Variants in NF2 observed in about 807,000 individuals in gnomAD.
NF2 encodes merlin.
In NF2, 8 loss-of-function variants were observed where a neutral mutation model predicts 83.7. The ratio of observed to expected loss-of-function variants is 0.10; its 90% CI spans 0.06 to 0.17. NF2 has a LOEUF of 0.17. Among genes scored for constraint, NF2 ranks in the 10% least tolerant of loss-of-function variants. The probability of loss-of-function intolerance (pLI) is 1.00; values close to 1 mark genes in which losing one functional copy is unlikely to be tolerated. For missense variants in NF2, 533 were observed against 744.4 expected (o/e 0.72, Z 3.31); for synonymous variants, 266 against 269.6 (o/e 0.99, Z 0.13).
chr22:29,623,309 A>C (rs982657062), intron 1 of NF2, among the ~76,000 whole-genome samples: 24 of 152,264 alleles, frequency 1.6e-4, no homozygotes, highest in Admixed American at 1.1e-3. Flanking sequence ...CAGGTTAAAG[A>C]GGCTTGTATT....
At chr22:29,693,451 C>T (rs1230074588) in intron 15 of NF2, among the ~76,000 whole-genome samples, 1 of 152,238 alleles carries the variant, frequency 6.6e-6, no homozygotes, top group Non-Finnish European at 1.5e-5. Flanking sequence ...CTAATGCTGT[C>T]TGTCTTCTGA....
In NF2 at chr22:29,636,685, G is replaced by A. The variant is rs1287212592; in HGVS notation, c.115-66G>A. On this transcript the variant is annotated intron_variant, in intron 1 of 15. Coordinates refer to ENST00000338641, the MANE Select transcript of NF2 (RefSeq NM_000268.4). This position sits in a 1 kb window ranked among gnomAD's most constrained non-coding sequence, Gnocchi z 4.4. ...GTTTTGGAACCTGAGAGTGGAGAGT[G>A]CAGAGAAAAGGTTTTATTAATGATT... 1.2e-6 allele frequency: 2 copies of A among 1,608,456 alleles called. No individual in the cohort carries two copies. The highest frequency in any genetic ancestry group is 3.3e-5 in the Admixed American group (2 of 59,994).
In NF2 at chr22:29,697,630, G is replaced by A. The variant is rs1339535726; in HGVS notation, c.*2828G>A. 1 of 173,342 alleles carries A rather than the reference G, an allele frequency of 5.8e-6. No homozygotes were observed. Among genetic ancestry groups the A allele is most frequent in the Admixed American group, 6.4e-5 (1 of 15,604 alleles). 10.7% of individuals were successfully genotyped at this position (173,342 alleles called of 1,614,324 possible). A position where few individuals can be genotyped will look rare whatever the true frequency, so the allele number is the denominator to read the frequency against. On this transcript the variant is annotated 3_prime_UTR_variant, in exon 16 of 16. Transcript: ENST00000338641. ...CGCCCAGGCTGGAGTGCAATGGCGTGATCTCGGCTCACCGCAACCTCCGCC... is the reference window on the plus strand; with the variant it reads ...CGCCCAGGCTGGAGTGCAATGGCGTAATCTCGGCTCACCGCAACCTCCGCC...
chr22:29,652,925 A>G (rs1174491409), intron 4 of NF2, among the ~76,000 whole-genome samples: 3 of 152,032 alleles, frequency 2.0e-5, no homozygotes, highest in Non-Finnish European at 4.4e-5. Flanking sequence ...TTTCTAAGTT[A>G]TTTTTTATTT....
At chr22:29,635,477 C>T (rs192973094) in intron 1 of NF2, among the ~76,000 whole-genome samples, 212 of 152,046 alleles carry the variant, frequency 1.4e-3, no homozygotes, top group African/African-American at 4.6e-3. Flanking sequence ...TACAGGCATG[C>T]GCTACCACAC....
chr22:29,608,704 A>G (rs1312491932), intron 1 of NF2, among the ~76,000 whole-genome samples: 2 of 151,972 alleles, frequency 1.3e-5, no homozygotes, highest in African/African-American at 4.8e-5. Flanking sequence ...TGAAACACAT[A>G]CAAAAAAAAG....
intron 10 of NF2, 108 bp from the exon 11 acceptor site, chr22:29,671,718 A>G (rs2147069006): frequency 2.0e-6 from 3 of 1,502,312 alleles, no homozygotes; most frequent in Non-Finnish European, 2.7e-6. Flanking sequence ...AAAGGGAAGG[A>G]AAAAGGTCCC....
chr22:29,670,934 C>T (rs975332723), intron 10 of NF2, among the ~76,000 whole-genome samples: 2 of 152,112 alleles, frequency 1.3e-5, no homozygotes, highest in Admixed American at 6.5e-5. Flanking sequence ...GTTGCAGCTC[C>T]CCCCTGTGAA....
At chr22:29,651,470 T>G (rs1419841826) in intron 4 of NF2, among the ~76,000 whole-genome samples, 1 of 152,242 alleles carries the variant, frequency 6.6e-6, no homozygotes, top group Non-Finnish European at 1.5e-5. Flanking sequence ...CTTCCTTAGC[T>G]TCCCAGTAAA....
chr22:29,689,024 C>T (rs2067335372), intron 15 of NF2, among the ~76,000 whole-genome samples: 1 of 151,922 alleles, frequency 6.6e-6, no homozygotes, highest in African/African-American at 2.4e-5. Context: ...ACTAAAAATA[C>T]AAAAATTAGC....
At position 29,684,055 on chromosome 22, in the gene NF2, AAG is replaced by A. The variant is rs2067214893; in HGVS notation, c.1737+2458_1737+2459del. ...AGCTCATTGGAACCTTTCTAACAAA[AAG>A]AGATCTGGCATAAGATAGATCCTAC... On this transcript the variant is annotated intron_variant, in intron 15 of 15. Coordinates refer to ENST00000338641, the MANE Select transcript of NF2 (RefSeq NM_000268.4). 2.5e-5 allele frequency: 10 copies of A among 399,748 alleles called. No individual in the cohort carries two copies. The South Asian group carries it at 9.5e-4, about 38-fold the overall frequency. 24.8% of individuals were successfully genotyped at this position (399,748 alleles called of 1,614,324 possible).
At chr22:29,609,089 T>A (rs2064881183) in intron 1 of NF2, 1 of 745,512 alleles carries the variant, frequency 1.3e-6, no homozygotes, top group Non-Finnish European at 2.5e-6. Context: ...AGCCAATCAG[T>A]ACATCTTTCA....
At chr22:29,634,431 T>C (rs746042392) in intron 1 of NF2, among the ~76,000 whole-genome samples, 1 of 152,220 alleles carries the variant, frequency 6.6e-6, no homozygotes, top group Non-Finnish European at 1.5e-5. Context: ...ACTGCATTAA[T>C]ACAATTTTAT....
At chr22:29,647,862 A>G (rs1169695821) in intron 4 of NF2, among the ~76,000 whole-genome samples, 3 of 152,100 alleles carry the variant, frequency 2.0e-5, no homozygotes, top group African/African-American at 4.8e-5. Flanking sequence ...TTTCCTTATT[A>G]TCTAAACAGT....
At chr22:29,615,804 C>A (rs1385915038) in intron 1 of NF2, among the ~76,000 whole-genome samples, 1 of 152,110 alleles carries the variant, frequency 6.6e-6, no homozygotes, top group Non-Finnish European at 1.5e-5. Flanking sequence ...CATATAACCC[C>A]ACAATTCAAC....
chr22:29,649,452 A>G (rs1197137662), intron 4 of NF2, among the ~76,000 whole-genome samples: 1 of 152,160 alleles, frequency 6.6e-6, no homozygotes, highest in Non-Finnish European at 1.5e-5. Context: ...TGTAATCCCA[A>G]CTCTCAGGGA....
rs988023836 is a variant in NF2, at chr22:29,636,265, A to T, written c.115-486A>T. Among the ~76,000 whole-genome samples, 3 of 152,036 alleles carry T rather than the reference A, an allele frequency of 2.0e-5. No individual in the cohort carries two copies. Among genetic ancestry groups the T allele is most frequent in the Non-Finnish European group, 2.9e-5 (2 of 68,014 alleles). Reference sequence around the variant, plus strand: ...TTCTCCATGATTTATGACTTTGATTATGATTTCTTTATATTAAAAAAAAAC... The same window carrying T: ...TTCTCCATGATTTATGACTTTGATTTTGATTTCTTTATATTAAAAAAAAAC... On this transcript the variant is annotated intron_variant, in intron 1 of 15. Transcript: ENST00000338641. The surrounding 1 kb of genome is among the most constrained non-coding windows in gnomAD (Gnocchi z 4.4).
At position 29,691,072 on chromosome 22, in the gene NF2, C is replaced by A. The variant is rs145671937; in HGVS notation, c.1738-3680C>A. On this transcript the variant is annotated intron_variant, in intron 15 of 15. Transcript: ENST00000338641. ...ACTGGTGCAGCCACTGTCCTCGAGA[C>A]CCTGGTTGTACACCCTGAGGTGCTT... Among the ~76,000 whole-genome samples, 900 of 152,316 alleles carry A rather than the reference C, an allele frequency of 5.9e-3. 6 individuals are homozygous for A. The highest frequency in any genetic ancestry group is 0.019 in the African/African-American group (774 of 41,558).
chr22:29,690,510 A>T (rs2067376568), intron 15 of NF2, among the ~76,000 whole-genome samples: 1 of 152,140 alleles, frequency 6.6e-6, no homozygotes, highest in African/African-American at 2.4e-5. Flanking sequence ...CTGAGTCTCG[A>T]TGTTGGGCAG....
Sources: allele counts gnomAD v4.1 joint callset (sites outside exome capture counted in the v4.1 genomes callset), GRCh38; gene constraint gnomAD v4.1.1; non-coding constraint Gnocchi (gnomAD v3.1); transcripts MANE v1.5; gene names NCBI Gene and HGNC (gene_info 2026-07-23, HGNC 2026-07-21).